GRHL2: variants seen among roughly 807,000 people sequenced by gnomAD.
GRHL2 encodes the protein grainyhead-like protein 2 homolog.
GRHL2 carries 21 observed loss-of-function variants against 83.8 expected under a neutral mutation model. The observed-to-expected ratio is 0.25, with a 90% CI of 0.18 to 0.36. The LOEUF (loss-of-function observed/expected upper bound fraction) is 0.36, where lower values mean the gene tolerates loss of function less well. Among genes scored for constraint, GRHL2 ranks in the 10% least tolerant of loss-of-function variants. GRHL2 has a pLI of 1.00. For missense variants in GRHL2, 623 were observed against 781.8 expected (o/e 0.80, Z 2.42); for synonymous variants, 280 against 278.9 (o/e 1.00, Z -0.04).
chr8:101,591,906 A>G (rs79651453), intron 7 of GRHL2, among the ~76,000 whole-genome samples: 3,113 of 152,242 alleles, frequency 0.02, 84 homozygotes, highest in African/African-American at 0.062. Flanking sequence ...GCTTCCAGGC[A>G]TAAGAATAAG....
At chr8:101,613,007 G>C (rs984747187) in intron 8 of GRHL2, among the ~76,000 whole-genome samples, 3 of 150,966 alleles carry the variant, frequency 2.0e-5, no homozygotes, top group Admixed American at 6.6e-5. Context: ...TTTGAGAGGA[G>C]GAGGAAGAGG....
the GRHL2 span, among the ~76,000 whole-genome samples, chr8:101,679,771 C>A: frequency 1.3e-5 from 2 of 149,602 alleles, no homozygotes; most frequent in African/African-American, 2.5e-5. Flanking sequence ...GGCCAATATT[C>A]AACATTCTTA....
intron 9 of GRHL2, among the ~76,000 whole-genome samples, chr8:101,624,141 T>G (rs183115623): frequency 1.0e-3 from 115 of 110,050 alleles, no homozygotes; most frequent in African/African-American, 4.1e-3. Flanking sequence ...GTAGGACAGT[T>G]CACAGTAGGA....
chr8:101,674,686 A>T (rs62517417), downstream of GRHL2, among the ~76,000 whole-genome samples: 12 of 152,200 alleles, frequency 7.9e-5, no homozygotes, highest in Non-Finnish European at 1.3e-4. Flanking sequence ...GAAAAAGAGG[A>T]AATCCTCCCT....
intron 7 of GRHL2, among the ~76,000 whole-genome samples, chr8:101,597,844 GAAAAA>G (rs1290570345): frequency 6.6e-6 from 1 of 150,936 alleles, no homozygotes; most frequent in African/African-American, 2.4e-5. Flanking sequence ...AAAAAAAAAA[GAAAAA>G]AAGAAATAGG....
chr8:101,503,077 C>T (rs868814600), intron 1 of GRHL2, among the ~76,000 whole-genome samples: 1 of 152,156 alleles, frequency 6.6e-6, no homozygotes, highest in Non-Finnish European at 1.5e-5. Flanking sequence ...ATAAAATCTC[C>T]TCTGGTATCC....
intron 12 of GRHL2, among the ~76,000 whole-genome samples, chr8:101,642,440 G>C (rs1209026535): frequency 6.6e-6 from 1 of 152,162 alleles, no homozygotes; most frequent in Non-Finnish European, 1.5e-5. Context: ...GGAGTGTCTG[G>C]TGGTATTTCA....
rs183543438 is a variant in GRHL2, at chr8:101,534,109, G to A, written c.21-9132G>A. On this transcript the variant is annotated intron_variant, in intron 1 of 15. Transcript: ENST00000646743. ...AAGCAGGGAAACCTATTAGGAAACT[G>A]TATTCATTTTCTATTCCTGTGTAAC... 6.6e-4 allele frequency among the ~76,000 whole-genome samples: 101 copies of A among 152,310 alleles called. 1 individual carries two copies. Among genetic ancestry groups the A allele is most frequent in the Admixed American group, 6.3e-3 (96 of 15,284 alleles).
chr8:101,532,755 C>CA (rs1187121429), intron 1 of GRHL2, among the ~76,000 whole-genome samples: 9,573 of 90,368 alleles, frequency 0.11, 364 homozygotes, highest in Non-Finnish European at 0.13. Context: ...CTCCATCTCA[C>CA]AAAAAAAAAA....
At chr8:101,508,899 A>T (rs1010207493) in intron 1 of GRHL2, among the ~76,000 whole-genome samples, 1 of 152,198 alleles carries the variant, frequency 6.6e-6, no homozygotes, top group Non-Finnish European at 1.5e-5. Flanking sequence ...TAGGAAAAAA[A>T]AGCAATTGCA....
intron 6 of GRHL2, among the ~76,000 whole-genome samples, chr8:101,575,406 C>A (rs1811913683): frequency 6.6e-6 from 1 of 152,060 alleles, no homozygotes; most frequent in Non-Finnish European, 1.5e-5. Flanking sequence ...AATTTTATTT[C>A]TTTATGTTCC....
intron 8 of GRHL2, among the ~76,000 whole-genome samples, chr8:101,617,914 A>C (rs771163846): frequency 6.6e-6 from 1 of 152,222 alleles, no homozygotes; most frequent in Non-Finnish European, 1.5e-5. Flanking sequence ...TTAAAGGTGA[A>C]TGGAAAACCC....
At chr8:101,562,090 A>G (rs184544287) in intron 4 of GRHL2, 16 of 681,664 alleles carry the variant, frequency 2.3e-5, no homozygotes, top group Non-Finnish European at 2.7e-6. Flanking sequence ...GGGGGCTCAG[A>G]TAAGATGGAT....
intron 7 of GRHL2, among the ~76,000 whole-genome samples, chr8:101,582,035 C>T (rs1480280334): frequency 6.6e-6 from 1 of 152,118 alleles, no homozygotes; most frequent in Non-Finnish European, 1.5e-5. Context: ...GCAGAAAGTT[C>T]CAGACCAGCC....
chr8:101,527,524 T>G (rs1460029303), intron 1 of GRHL2, among the ~76,000 whole-genome samples: 2 of 152,134 alleles, frequency 1.3e-5, no homozygotes, highest in Non-Finnish European at 2.9e-5. Flanking sequence ...AAACAACTCT[T>G]CTCCTGTCAC....
At chr8:101,525,861 T>C (rs1362839368) in intron 1 of GRHL2, among the ~76,000 whole-genome samples, 1 of 152,132 alleles carries the variant, frequency 6.6e-6, no homozygotes, top group Non-Finnish European at 1.5e-5. Flanking sequence ...TCCCAGCTAC[T>C]CGGGAGGCTG....
At chr8:101,579,844 C>G (rs1409713173) in intron 7 of GRHL2, among the ~76,000 whole-genome samples, 1 of 152,198 alleles carries the variant, frequency 6.6e-6, no homozygotes. Flanking sequence ...CACTCTTTGT[C>G]TCCACTAGGA....
intron 1 of GRHL2, among the ~76,000 whole-genome samples, chr8:101,503,093 T>C (rs1810265195): frequency 6.6e-6 from 1 of 152,196 alleles, no homozygotes; most frequent in South Asian, 2.1e-4. Context: ...TATCCTACTG[T>C]GTTATAGAAT....
intron 7 of GRHL2, among the ~76,000 whole-genome samples, chr8:101,590,298 T>C (rs1812252874): frequency 6.6e-6 from 1 of 152,246 alleles, no homozygotes; most frequent in African/African-American, 2.4e-5. Context: ...AAGAAGCCAC[T>C]GCTTTGATTT....
Sources: allele counts gnomAD v4.1 joint callset (sites outside exome capture counted in the v4.1 genomes callset), GRCh38; gene constraint gnomAD v4.1.1; transcripts MANE v1.5; gene names NCBI Gene and HGNC (gene_info 2026-07-23, HGNC 2026-07-21).